Variants in PCSK2 observed in about 807,000 individuals in gnomAD.
The protein encoded by PCSK2 is neuroendocrine convertase 2.
A neutral mutation model predicts 69.7 loss-of-function variants in PCSK2; 14 were observed. That is an observed-to-expected ratio of 0.20 (90% confidence interval 0.13 to 0.31). PCSK2 has a LOEUF of 0.31. Ranked by LOEUF, PCSK2 falls within the 10% of genes least tolerant of loss-of-function variation. The pLI is 1.00. For synonymous variants in PCSK2, 307 were observed against 320.7 expected, an observed-to-expected ratio of 0.96 and a Z score of 0.46; for missense variants, 544 against 842.5, an observed-to-expected ratio of 0.65 and a Z score of 4.39.
At chr20:17,478,788 C>T (rs138138079) in intron 11 of PCSK2, among the ~76,000 whole-genome samples, 4 of 152,246 alleles carry the variant, frequency 2.6e-5, no homozygotes, top group African/African-American at 7.2e-5. Flanking sequence ...CATCACCTTA[C>T]GTACAAAATA....
intron 2 of PCSK2, among the ~76,000 whole-genome samples, chr20:17,279,834 C>A (rs1674391002): frequency 1.3e-5 from 2 of 151,344 alleles, no homozygotes; most frequent in Admixed American, 1.3e-4. Context: ...ATGCAAATAT[C>A]CTTGTTTCTC....
intron 7 of PCSK2, among the ~76,000 whole-genome samples, chr20:17,431,257 G>A (rs140430763): frequency 4.3e-4 from 65 of 152,268 alleles, no homozygotes; most frequent in African/African-American, 1.5e-3. Flanking sequence ...AATTGACCCC[G>A]CTAATGTGAG....
chr20:17,478,310 G>C (rs1463875443), intron 11 of PCSK2, among the ~76,000 whole-genome samples: 3 of 152,048 alleles, frequency 2.0e-5, no homozygotes, highest in Non-Finnish European at 4.4e-5. Context: ...ACAGCACATT[G>C]ATAACTATAG....
chr20:17,268,483 A>C (rs1281027679), intron 2 of PCSK2, among the ~76,000 whole-genome samples: 1 of 152,136 alleles, frequency 6.6e-6, no homozygotes, highest in Non-Finnish European at 1.5e-5. Context: ...TGAGGAAGGT[A>C]TTCATGTGGA....
chr20:17,347,823 A>G (rs1235903159), intron 2 of PCSK2, among the ~76,000 whole-genome samples: 2 of 144,524 alleles, frequency 1.4e-5, no homozygotes, highest in African/African-American at 5.2e-5. Flanking sequence ...AAAGAAAGAA[A>G]GAAAGAAAGA....
intron 2 of PCSK2, among the ~76,000 whole-genome samples, chr20:17,305,509 A>G (rs1230412852): frequency 6.6e-6 from 1 of 152,192 alleles, no homozygotes; most frequent in Non-Finnish European, 1.5e-5. Flanking sequence ...CTTGGCTGCA[A>G]ATCTCGGCTC....
intron 11 of PCSK2, among the ~76,000 whole-genome samples, chr20:17,473,779 T>C (rs1167149352): frequency 6.6e-6 from 1 of 152,208 alleles, no homozygotes; most frequent in Non-Finnish European, 1.5e-5. Flanking sequence ...GTTCTTTCTC[T>C]ACCAAGTTCG....
intron 2 of PCSK2, among the ~76,000 whole-genome samples, chr20:17,355,200 G>C (rs1179839138): frequency 6.6e-6 from 1 of 152,156 alleles, no homozygotes. Context: ...AATGAGTTTG[G>C]AGTGGTTGTA....
intron 2 of PCSK2, among the ~76,000 whole-genome samples, chr20:17,287,439 G>GTGTGTGTA (rs1568585934): frequency 6.7e-6 from 1 of 149,174 alleles, no homozygotes; most frequent in African/African-American, 2.4e-5. Flanking sequence ...GTCTGTGTGT[G>GTGTGTGTA]TGTGTGTGTG....
In PCSK2 at chr20:17,447,833, A is replaced by G. The variant is rs115906469; in HGVS notation, c.886-5909A>G. Among the ~76,000 whole-genome samples, 187 of 152,344 alleles carry G rather than the reference A, an allele frequency of 1.2e-3. 1 individual carries two copies. The highest frequency in any genetic ancestry group is 4.2e-3 in the African/African-American group (175 of 41,582). ...GAAGAGTATTTAATCACATAAAAAA[A>G]GTCAATTATATAAATTGTGAGAAAT... On this transcript the variant is annotated intron_variant, in intron 8 of 11. Transcript: ENST00000262545.
At chr20:17,427,977 C>T (rs2032282738) in intron 6 of PCSK2, among the ~76,000 whole-genome samples, 1 of 152,138 alleles carries the variant, frequency 6.6e-6, no homozygotes, top group Non-Finnish European at 1.5e-5. Context: ...AAGAGAAGTC[C>T]AGATTCAAAA....
chr20:17,466,188 C>T (rs537388783), intron 11 of PCSK2, among the ~76,000 whole-genome samples: 2 of 152,310 alleles, frequency 1.3e-5, no homozygotes, highest in South Asian at 2.1e-4. Flanking sequence ...GGCCCCCTGC[C>T]GTGACCACTG....
intron 2 of PCSK2, 36 bp downstream of exon 2, chr20:17,260,380 G>A (rs1987332785): frequency 1.4e-6 from 2 of 1,409,394 alleles, no homozygotes; most frequent in Non-Finnish European, 2.0e-6. Context: ...CCCAATCTCT[G>A]CTGCCATGGC....
In PCSK2 at chr20:17,465,233, C is replaced by T. The variant is rs987577689; in HGVS notation, c.1203-93C>T. The stretch of plus-strand genomic sequence containing the variant: ...CCAAAATCTTACAAGAGGTCTGTGT[C>T]CTGAGTAATATTTCTCTTAATCATT... On this transcript the variant is annotated intron_variant, in intron 10 of 11. Coordinates refer to ENST00000262545, the MANE Select transcript of PCSK2 (RefSeq NM_002594.5). 1.1e-5 allele frequency: 10 copies of T among 876,012 alleles called. No homozygotes were observed. The African/African-American group carries it at 1.2e-4, about 10-fold the overall frequency. 54.3% of individuals were successfully genotyped at this position (876,012 alleles called of 1,614,324 possible). A position where few individuals can be genotyped will look rare whatever the true frequency, so the allele number is the denominator to read the frequency against.
rs1230571583 is a variant in PCSK2, at chr20:17,461,276, C to T, written c.1203-4050C>T. Among the ~76,000 whole-genome samples the T allele has an allele frequency of 5.3e-5, 8 of 152,172 alleles. No homozygotes were observed. The South Asian group carries it at 8.3e-4, about 16-fold the overall frequency. ...ACAAAGGCTATGGAGAAAATACCAG[C>T]TTGACTCACAAATGCATTATTTTTC... On this transcript the variant is annotated intron_variant, in intron 10 of 11. Coordinates refer to ENST00000262545, the MANE Select transcript of PCSK2 (RefSeq NM_002594.5).
rs1464952693 is a variant in PCSK2, at chr20:17,474,087, G to A, written c.1431-7497G>A. ...TGAGATGACCTTCAGGCACACCATG[G>A]CTAAGGGGGTTTCAGTAGATGGTGA... On this transcript the variant is annotated intron_variant, in intron 11 of 11. Transcript: ENST00000262545. Among the ~76,000 whole-genome samples, 3 of 152,170 alleles carry A rather than the reference G, an allele frequency of 2.0e-5. 1 individual carries two copies. In the East Asian group the frequency reaches 5.8e-4, roughly 29 times the overall value.
At chr20:17,357,500 A>C (rs560008837) in intron 2 of PCSK2, among the ~76,000 whole-genome samples, 1 of 152,198 alleles carries the variant, frequency 6.6e-6, no homozygotes, top group African/African-American at 2.4e-5. Flanking sequence ...TGCTGTTTTC[A>C]CTCTCTCTCT....
chr20:17,236,248 T>A (rs1242676247), intron 1 of PCSK2, among the ~76,000 whole-genome samples: 1 of 152,102 alleles, frequency 6.6e-6, no homozygotes, highest in East Asian at 1.9e-4. Flanking sequence ...AAAAGAAAAC[T>A]ATGGAAATTG....
At chr20:17,289,351 C>A (rs1195746214) in intron 2 of PCSK2, among the ~76,000 whole-genome samples, 1 of 152,040 alleles carries the variant, frequency 6.6e-6, no homozygotes, top group Admixed American at 6.5e-5. Flanking sequence ...CACTATGAAG[C>A]TCCTTGTTTA....
Sources: gnomAD v4.1 joint callset for allele counts (sites outside exome capture counted in the v4.1 genomes callset) on GRCh38, gnomAD v4.1.1 for gene constraint, MANE v1.5 for transcripts, NCBI Gene and HGNC (gene_info 2026-07-23, HGNC 2026-07-21) for gene names.